Variants in CDH10 observed in about 807,000 individuals in gnomAD.
The protein encoded by CDH10 is cadherin-10.
In CDH10, 30 loss-of-function variants were observed where a neutral mutation model predicts 73.1. The ratio of observed to expected loss-of-function variants is 0.41; its 90% CI spans 0.31 to 0.56. The LOEUF (loss-of-function observed/expected upper bound fraction) is 0.56. CDH10 is among the 20% of genes least tolerant of loss of function. The pLI is 0.27. For synonymous variants in CDH10, 345 were observed against 348.2 expected (o/e 0.99, Z 0.10); for missense variants, 815 against 973.7 (o/e 0.84, Z 2.17).
At chr5:24,539,579 T>C (rs915518494) in intron 2 of CDH10, among the ~76,000 whole-genome samples, 6 of 152,012 alleles carry the variant, frequency 3.9e-5, no homozygotes, top group Non-Finnish European at 7.4e-5. Context: ...TTAATACAGA[T>C]ATAATAGATT....
chr5:24,528,675 G>GT (rs1356893885), intron 5 of CDH10, among the ~76,000 whole-genome samples: 1 of 152,018 alleles, frequency 6.6e-6, no homozygotes, highest in African/African-American at 2.4e-5. Context: ...ACCTGTCTCT[G>GT]TATCAACATG....
intron 2 of CDH10, among the ~76,000 whole-genome samples, chr5:24,558,169 A>T (rs4612028): frequency 0.83 from 125,564 of 151,596 alleles, 52,040 homozygotes; most frequent in East Asian, 0.9. Flanking sequence ...TCTGTAGGAC[A>T]TCCTGTAAAT....
chr5:24,506,497 C>A (rs1742703947), intron 7 of CDH10, among the ~76,000 whole-genome samples: 1 of 152,188 alleles, frequency 6.6e-6, no homozygotes, highest in South Asian at 2.1e-4. Context: ...CTCCTTCACT[C>A]ATAAAGCAGA....
rs976515015 is a variant in CDH10, at chr5:24,554,377, A to G, written c.232-16703T>C. ...TATAATGTATATAAAATTACATTGC[A>G]TAATATCTTACATGCCTGTGAAACT... is the stretch of plus-strand genomic sequence containing the variant. On this transcript the variant is annotated intron_variant, in intron 2 of 11. Transcript: ENST00000264463. Among the ~76,000 whole-genome samples, 6 of 151,256 alleles carry G rather than the reference A, an allele frequency of 4.0e-5. No individual in the cohort carries two copies. The South Asian group carries it at 1.0e-3, about 26-fold the overall frequency.
intron 1 of CDH10, among the ~76,000 whole-genome samples, chr5:24,606,642 A>G (rs1375256080): frequency 6.6e-6 from 1 of 152,040 alleles, no homozygotes; most frequent in Non-Finnish European, 1.5e-5. Flanking sequence ...CAAAAAAAAG[A>G]TGGCTTTTAT....
chr5:24,567,265 C>T (rs1745197919), intron 2 of CDH10, among the ~76,000 whole-genome samples: 1 of 151,736 alleles, frequency 6.6e-6, no homozygotes, highest in South Asian at 2.1e-4. Context: ...TAAATTTTTA[C>T]ATATATCCAC....
chr5:24,535,935 A>T (rs1743934373), intron 3 of CDH10, 113 bp from the exon 4 acceptor site: 1 of 606,110 alleles, frequency 1.6e-6, no homozygotes, highest in African/African-American at 1.8e-5. Flanking sequence ...CCTCTTAAAG[A>T]AACTTTCATA....
At chr5:24,565,474 G>A (rs1745134345) in intron 2 of CDH10, among the ~76,000 whole-genome samples, 1 of 152,042 alleles carries the variant, frequency 6.6e-6, no homozygotes, top group African/African-American at 2.4e-5. Context: ...ACTAAAATCT[G>A]TACAAAATTG....
At chr5:24,639,311 T>C (rs1299505767) in intron 1 of CDH10, among the ~76,000 whole-genome samples, 1 of 151,634 alleles carries the variant, frequency 6.6e-6, no homozygotes. Context: ...AGCTATATTT[T>C]TACGAAAGGA....
chr5:24,549,033 C>A (rs1387540221), intron 2 of CDH10, among the ~76,000 whole-genome samples: 1 of 152,010 alleles, frequency 6.6e-6, no homozygotes, highest in African/African-American at 2.4e-5. Flanking sequence ...ATCTGACATT[C>A]ATAAATCAAC....
chr5:24,558,741 T>C (rs1744854940), intron 2 of CDH10, among the ~76,000 whole-genome samples: 1 of 151,782 alleles, frequency 6.6e-6, no homozygotes, highest in Non-Finnish European at 1.5e-5. Flanking sequence ...ACATCTATAT[T>C]ATTACCATTT....
chr5:24,520,206 A>G (rs1431655321), intron 5 of CDH10, among the ~76,000 whole-genome samples: 1 of 152,252 alleles, frequency 6.6e-6, no homozygotes, highest in Non-Finnish European at 1.5e-5. Flanking sequence ...TAAAATGAAA[A>G]AAAGGAAGTA....
chr5:24,641,304 G>A (rs1222214938), intron 1 of CDH10, among the ~76,000 whole-genome samples: 1 of 151,832 alleles, frequency 6.6e-6, no homozygotes, highest in Non-Finnish European at 1.5e-5. Context: ...AACAGGCATT[G>A]CTTGGTAATT....
intron 1 of CDH10, among the ~76,000 whole-genome samples, chr5:24,606,832 A>C (rs990720139): frequency 7.2e-5 from 11 of 152,128 alleles, no homozygotes; most frequent in Non-Finnish European, 1.6e-4. Context: ...CATCCAGAAA[A>C]AAGCATTCAT....
intron 1 of CDH10, among the ~76,000 whole-genome samples, chr5:24,595,100 T>C (rs1746325163): frequency 6.6e-6 from 1 of 151,490 alleles, no homozygotes; most frequent in Admixed American, 6.6e-5. Flanking sequence ...AACATACTTA[T>C]TTTGTTTTGT....
At chr5:24,502,387 G>T (rs978247806) in intron 8 of CDH10, among the ~76,000 whole-genome samples, 3 of 152,092 alleles carry the variant, frequency 2.0e-5, no homozygotes, top group Non-Finnish European at 2.9e-5. Flanking sequence ...AAACATATTG[G>T]TAAGAAGTAC....
chr5:24,524,646 G>A (rs1049610122), intron 5 of CDH10, among the ~76,000 whole-genome samples: 2 of 152,044 alleles, frequency 1.3e-5, no homozygotes, highest in Admixed American at 6.6e-5. Flanking sequence ...TCTTCCTGGT[G>A]GGTACATTCT....
chr5:24,608,616 G>C (rs1194683586), intron 1 of CDH10, among the ~76,000 whole-genome samples: 2 of 152,020 alleles, frequency 1.3e-5, no homozygotes, highest in African/African-American at 2.4e-5. Flanking sequence ...TTAACAAAAG[G>C]TTTCAAAATA....
At chr5:24,595,107 T>TTG (rs58078316) in intron 1 of CDH10, among the ~76,000 whole-genome samples, 4,539 of 150,668 alleles carry the variant, frequency 0.03, 153 homozygotes, top group African/African-American at 0.084. Flanking sequence ...TTATTTTGTT[T>TTG]TGTGTGTGTG....
Sources: gnomAD v4.1 joint callset for allele counts (sites outside exome capture counted in the v4.1 genomes callset) on GRCh38, gnomAD v4.1.1 for gene constraint, MANE v1.5 for transcripts, NCBI Gene and HGNC (gene_info 2026-07-23, HGNC 2026-07-21) for gene names.